DGCR2: variants seen among roughly 807,000 people sequenced by gnomAD.
DGCR2 encodes integral membrane protein DGCR2/IDD.
Under a neutral mutation model 51.6 loss-of-function variants are expected in DGCR2, and 24 were observed. The ratio of observed to expected loss-of-function variants is 0.47; its 90% CI spans 0.34 to 0.65. The LOEUF (loss-of-function observed/expected upper bound fraction) is 0.65, where lower values mean the gene tolerates loss of function less well. Ranked by LOEUF, DGCR2 falls within the 30% of genes least tolerant of loss-of-function variation. The pLI is 0.01. For missense variants in DGCR2, 765 were observed against 772.1 expected (o/e 0.99, Z 0.11); for synonymous variants, 340 against 315.4 (o/e 1.08, Z -0.82).
chr22:19,068,320 G>A (rs994889374), intron 2 of DGCR2, 95 bp from the exon 3 acceptor site: 33 of 1,363,504 alleles, frequency 2.4e-5, no homozygotes, highest in Non-Finnish European at 2.9e-5. Flanking sequence ...CTGCAAGGCC[G>A]GAGGGGGGGC....
At chr22:19,092,351 A>G (rs1259395266) in intron 1 of DGCR2, among the ~76,000 whole-genome samples, 1 of 151,908 alleles carries the variant, frequency 6.6e-6, no homozygotes, top group Non-Finnish European at 1.5e-5. Flanking sequence ...CTTAAAAAAA[A>G]AAAAATACTA....
Position 19,057,295 on chromosome 22 carries a change from G to A in DGCR2, c.626-133C>T. 1 of 1,025,332 alleles carries A rather than the reference G, an allele frequency of 9.8e-7. No individual in the cohort carries two copies. The highest frequency in any genetic ancestry group is 1.4e-6 in the Non-Finnish European group (1 of 726,864). The allele number at this position is 1,025,332 out of a possible 1,614,324, so 63.5% of individuals were successfully genotyped here. A position where few individuals can be genotyped will look rare whatever the true frequency, so the allele number is the denominator to read the frequency against. ...GGACCGCCAAGTACTGGTGGTCACT[G>A]TGGCCAGGTGTTCACTCGGGACTCC... On this transcript the variant is annotated intron_variant, in intron 5 of 9. Transcript: ENST00000263196. The surrounding 1 kb of genome is among the most constrained non-coding windows in gnomAD (Gnocchi z 5.1).
At chr22:19,050,606 TA>T (rs2082538289) in intron 6 of DGCR2, among the ~76,000 whole-genome samples, 3 of 152,220 alleles carry the variant, frequency 2.0e-5, no homozygotes, top group Non-Finnish European at 4.4e-5. Context: ...TTAGCTGATT[TA>T]AAAAGCAATT....
intron 5 of DGCR2, among the ~76,000 whole-genome samples, chr22:19,062,804 C>CTA (rs955658435): frequency 1.4e-5 from 2 of 147,962 alleles, no homozygotes; most frequent in African/African-American, 4.9e-5. Context: ...CTCTCTCTCT[C>CTA]TCTATCTGCC....
chr22:19,095,770 T>TA (rs2083133572), intron 1 of DGCR2, among the ~76,000 whole-genome samples: 1 of 152,154 alleles, frequency 6.6e-6, no homozygotes, highest in Non-Finnish European at 1.5e-5. Context: ...GATTTCTGTT[T>TA]AAAAAATCAG....
At chr22:19,095,218 C>T (rs569582931) in intron 1 of DGCR2, among the ~76,000 whole-genome samples, 2 of 152,066 alleles carry the variant, frequency 1.3e-5, no homozygotes, top group East Asian at 3.9e-4. Context: ...CAAAATTAGC[C>T]AGGCGTGGTG....
At chr22:19,121,238 C>G (rs1165128967) in intron 1 of DGCR2, among the ~76,000 whole-genome samples, 1 of 152,174 alleles carries the variant, frequency 6.6e-6, no homozygotes, top group Non-Finnish European at 1.5e-5. Flanking sequence ...ATAAAGATGA[C>G]TGTATTAATA....
chr22:19,063,074 G>A (rs1051639966), intron 5 of DGCR2, 128 bp downstream of exon 5: 1 of 730,144 alleles, frequency 1.4e-6, no homozygotes, highest in Non-Finnish European at 2.2e-6. Flanking sequence ...CCTGCAACTG[G>A]GGCTCACCCA....
intron 7 of DGCR2, chr22:19,046,851 C>T (rs1476233130): frequency 9.9e-6 from 3 of 304,388 alleles, no homozygotes; most frequent in Admixed American, 7.2e-5. Context: ...TGGGCAGGCT[C>T]TTTAGGCCAT....
At chr22:19,077,506 C>T (rs990009236) in intron 2 of DGCR2, among the ~76,000 whole-genome samples, 4 of 152,300 alleles carry the variant, frequency 2.6e-5, no homozygotes, top group Admixed American at 6.5e-5. Context: ...TATGCAAGGA[C>T]TTATTGCTAA....
chr22:19,048,669 G>T, intron 6 of DGCR2, 26 bp from the exon 7 acceptor site: 1 of 1,606,176 alleles, frequency 6.2e-7, no homozygotes, highest in African/African-American at 1.3e-5. Context: ...ATTGTGTACA[G>T]ATGTATACAA....
intron 2 of DGCR2, among the ~76,000 whole-genome samples, chr22:19,088,972 CCA>C (rs2083047900): frequency 6.6e-6 from 1 of 152,160 alleles, no homozygotes; most frequent in South Asian, 2.1e-4. Context: ...CGTGCCAAGG[CCA>C]GTCTAAAAGA....
At chr22:19,089,013 T>C (rs187084110) in intron 2 of DGCR2, among the ~76,000 whole-genome samples, 38 of 152,096 alleles carry the variant, frequency 2.5e-4, no homozygotes, top group Admixed American at 2.4e-3. Context: ...GGCACCCACA[T>C]CCAGAGCCAG....
chr22:19,050,147 G>A (rs1457834301), intron 6 of DGCR2, among the ~76,000 whole-genome samples: 9 of 152,176 alleles, frequency 5.9e-5, no homozygotes, highest in Non-Finnish European at 1.2e-4. Flanking sequence ...CACATTCCTA[G>A]GATAAATGCA....
intron 5 of DGCR2, 66 bp downstream of exon 5, chr22:19,063,135 AG>A (rs2145966966): frequency 1.4e-6 from 2 of 1,451,506 alleles, no homozygotes; most frequent in South Asian, 2.3e-5. Flanking sequence ...AAGAGGGAGG[AG>A]GGGAGGCCCC....
At chr22:19,061,444 C>G (rs534551085) in intron 5 of DGCR2, 1 of 152,394 alleles carries the variant, frequency 6.6e-6, no homozygotes, top group Non-Finnish European at 1.5e-5. Context: ...GATACTGGCT[C>G]CTAAAACCAC....
At chr22:19,108,688 T>C (rs1051088482) in intron 1 of DGCR2, among the ~76,000 whole-genome samples, 2 of 144,092 alleles carry the variant, frequency 1.4e-5, no homozygotes, top group Non-Finnish European at 3.0e-5. Flanking sequence ...CTGACAAAGG[T>C]ACAAAGACAA....
intron 4 of DGCR2, among the ~76,000 whole-genome samples, chr22:19,063,482 G>A (rs965207092): frequency 6.6e-6 from 1 of 151,622 alleles, no homozygotes; most frequent in Non-Finnish European, 1.5e-5. Context: ...GGGATTACAG[G>A]CACAGGCCAC....
chr22:19,079,852 C>T (rs1280395816), intron 2 of DGCR2, among the ~76,000 whole-genome samples: 1 of 152,228 alleles, frequency 6.6e-6, no homozygotes, highest in Admixed American at 6.5e-5. Flanking sequence ...GTCTGGTGTG[C>T]TTTGTTCAGA....
Sources: allele counts gnomAD v4.1 joint callset (sites outside exome capture counted in the v4.1 genomes callset), GRCh38; gene constraint gnomAD v4.1.1; non-coding constraint Gnocchi (gnomAD v3.1); transcripts MANE v1.5; gene names NCBI Gene and HGNC (gene_info 2026-07-23, HGNC 2026-07-21).